Variants in RIMKLB observed in about 807,000 individuals in gnomAD.
RIMKLB encodes ribosomal modification protein rimK like family member B.
A neutral mutation model predicts 32.0 loss-of-function variants in RIMKLB; 7 were observed. The ratio of observed to expected loss-of-function variants is 0.22; its 90% CI spans 0.12 to 0.41. The LOEUF is 0.41. Among genes scored for constraint, RIMKLB ranks in the 10% least tolerant of loss-of-function variants. The probability of loss-of-function intolerance (pLI) is 1.00; values close to 1 mark genes in which losing one functional copy is unlikely to be tolerated. For missense variants in RIMKLB, 289 were observed against 498.7 expected, an observed-to-expected ratio of 0.58 and a Z score of 4.00; for synonymous variants, 172 against 185.1, an observed-to-expected ratio of 0.93 and a Z score of 0.57.
chr12:8,744,176 G>A (rs1460745379), intron 2 of RIMKLB, among the ~76,000 whole-genome samples: 1 of 151,934 alleles, frequency 6.6e-6, no homozygotes, highest in African/African-American at 2.4e-5. Flanking sequence ...AGCTCATAAG[G>A]CAGAGTCCTA....
chr12:8,757,385 A>G (rs1949129690), intron 5 of RIMKLB, among the ~76,000 whole-genome samples: 1 of 151,502 alleles, frequency 6.6e-6, no homozygotes, highest in South Asian at 2.1e-4. Context: ...TTAATTAAAT[A>G]AGCCAGACGT....
intron 2 of RIMKLB, among the ~76,000 whole-genome samples, chr12:8,727,275 C>T (rs1453326807): frequency 6.6e-6 from 1 of 152,140 alleles, no homozygotes; most frequent in Non-Finnish European, 1.5e-5. Flanking sequence ...ATCTCTGTTG[C>T]CCAGGCTGGA....
intron 5 of RIMKLB, among the ~76,000 whole-genome samples, chr12:8,771,046 C>G (rs1278067903): frequency 1.3e-5 from 2 of 152,202 alleles, no homozygotes; most frequent in Non-Finnish European, 2.9e-5. Context: ...TCCATGCCCT[C>G]CCACGGCTTG....
rs540296113 is a variant in RIMKLB, at chr12:8,737,505, T to C, written c.176-12357T>C. On this transcript the variant is annotated intron_variant, in intron 2 of 5. Transcript: ENST00000535829. ...TCCAAGTTTCCTTACTATATAGATA[T>C]AGTGTTTTTCTTTATTAATAATATG... 4.8e-4 allele frequency among the ~76,000 whole-genome samples: 73 copies of C among 152,280 alleles called. No homozygotes were observed. The South Asian group carries it at 0.012, about 25-fold the overall frequency.
At chr12:8,699,714 C>T (rs1388872932) in intron 1 of RIMKLB, 1 of 152,174 alleles carries the variant, frequency 6.6e-6, no homozygotes, top group African/African-American at 2.4e-5. Flanking sequence ...AGTTTGGCAA[C>T]ATGGCTGTTG....
At chr12:8,693,718 C>G (rs1416812733), upstream of RIMKLB, among the ~76,000 whole-genome samples, 1 of 152,048 alleles carries the variant, frequency 6.6e-6, no homozygotes, top group African/African-American at 2.4e-5. Flanking sequence ...ATTTAGTTGT[C>G]ATATTCTAAT....
chr12:8,699,221 C>G (rs370315431), intron 1 of RIMKLB, among the ~76,000 whole-genome samples: 1 of 152,068 alleles, frequency 6.6e-6, no homozygotes, highest in Admixed American at 6.5e-5. Flanking sequence ...AGGTTCAACT[C>G]TAAATAGGTA....
In RIMKLB at chr12:8,777,116, T is replaced by TC; in HGVS notation, c.*3333dup. On this transcript the variant is annotated 3_prime_UTR_variant, in exon 6 of 6. Coordinates refer to ENST00000535829, the MANE Select transcript of RIMKLB (RefSeq NM_001297776.2). ...CTACTGTTTTTATTTGTTTGTTTGT[T>TC]CAATTTTATTTAAGATTTGTTTTTG... 14 of 985,702 alleles carry TC rather than the reference T, an allele frequency of 1.4e-5. No individual in the cohort carries two copies. The highest frequency in any genetic ancestry group is 1.7e-5 in the Non-Finnish European group (14 of 829,906). The allele number at this position is 985,702 out of a possible 1,614,324, so 61.1% of individuals were successfully genotyped here.
chr12:8,748,558 G>GTGTGTGTGTGTGTA (rs61024080), intron 2 of RIMKLB, among the ~76,000 whole-genome samples: 1 of 56,266 alleles, frequency 1.8e-5, no homozygotes, highest in African/African-American at 5.3e-5. Flanking sequence ...GTGTGTGTGT[G>GTGTGTGTGTGTGTA]CATATATATA....
intron 5 of RIMKLB, among the ~76,000 whole-genome samples, chr12:8,754,414 T>C (rs1283525712): frequency 1.3e-5 from 2 of 152,234 alleles, no homozygotes; most frequent in Non-Finnish European, 2.9e-5. Context: ...TTGTATATAA[T>C]TGGAGTTCCT....
chr12:8,671,302 G>A, the RIMKLB span, among the ~76,000 whole-genome samples: 2 of 151,628 alleles, frequency 1.3e-5, no homozygotes, highest in Non-Finnish European at 2.9e-5. Flanking sequence ...CCAGGCTGGA[G>A]TGCAATGACA....
chr12:8,741,847 A>G (rs1947569024), intron 2 of RIMKLB, among the ~76,000 whole-genome samples: 1 of 151,888 alleles, frequency 6.6e-6, no homozygotes, highest in Non-Finnish European at 1.5e-5. Flanking sequence ...AGCATCATGC[A>G]AATATACTCA....
chr12:8,724,401 C>T (rs922896543), intron 2 of RIMKLB, among the ~76,000 whole-genome samples: 2 of 151,992 alleles, frequency 1.3e-5, no homozygotes, highest in African/African-American at 4.8e-5. Flanking sequence ...GGATCATTTA[C>T]TTTTGCAGTA....
intron 2 of RIMKLB, among the ~76,000 whole-genome samples, chr12:8,747,776 GAC>G (rs1370886248): frequency 1.4e-5 from 2 of 143,518 alleles, no homozygotes; most frequent in Non-Finnish European, 3.0e-5. Context: ...TTTTTTTTGA[GAC>G]AGAGTCTCAC....
rs1427088573 is a variant in RIMKLB, at chr12:8,776,620, T to C, written c.*2836T>C. On this transcript the variant is annotated 3_prime_UTR_variant, in exon 6 of 6. Coordinates refer to ENST00000535829, the MANE Select transcript of RIMKLB (RefSeq NM_001297776.2). ...ATGTCACCCATGATGAAAACTGGAC[T>C]TTATATATCTAAACATACAAGTATG... 4.4e-6 allele frequency: 4 copies of C among 899,224 alleles called. No homozygotes were observed. The highest frequency in any genetic ancestry group is 5.3e-6 in the Non-Finnish European group (4 of 751,878). 55.7% of individuals were successfully genotyped at this position (899,224 alleles called of 1,614,324 possible). A position where few individuals can be genotyped will look rare whatever the true frequency, so the allele number is the denominator to read the frequency against.
At chr12:8,672,864 C>T in the RIMKLB span, among the ~76,000 whole-genome samples, 1 of 152,174 alleles carries the variant, frequency 6.6e-6, no homozygotes, top group Non-Finnish European at 1.5e-5. Context: ...TGCCGCTATG[C>T]TTCCTGTATA....
In RIMKLB at chr12:8,713,948, C is replaced by T; in HGVS notation, c.82C>T (p.Arg28Ter). The T allele has an allele frequency of 6.2e-7, 1 of 1,613,974 alleles. No homozygotes were observed. Among genetic ancestry groups the T allele is most frequent in the Non-Finnish European group, 8.5e-7 (1 of 1,179,976 alleles). ...AGACTATCCTCAAAAAGAGATTTTA[C>T]GAGCATTGAAGGCCAAATGTTGTGA... ...REDYPQKEILRALKAKCCEEE... is the reference protein window; with the variant it reads ...REDYPQKEIL Residue 28 changes from arginine to a stop codon, truncating the protein, a stop_gained, in exon 2 of 6, where the codon CGA becomes TGA. Coordinates refer to ENST00000535829, the MANE Select transcript of RIMKLB (RefSeq NM_001297776.2). LOFTEE classifies it high-confidence loss of function.
intron 2 of RIMKLB, among the ~76,000 whole-genome samples, chr12:8,727,018 TTAATC>T (rs1946076619): frequency 6.6e-6 from 1 of 152,230 alleles, no homozygotes; most frequent in South Asian, 2.1e-4. Context: ...ACATTTACAA[TTAATC>T]TAAGTCCACT....
At chr12:8,671,225 TC>T in the RIMKLB span, among the ~76,000 whole-genome samples, 1 of 152,026 alleles carries the variant, frequency 6.6e-6, no homozygotes, top group East Asian at 1.9e-4. Flanking sequence ...CTTGAATTTC[TC>T]CCCAGAAAAC....
Sources: allele counts gnomAD v4.1 joint callset (sites outside exome capture counted in the v4.1 genomes callset), GRCh38; gene constraint gnomAD v4.1.1; transcripts MANE v1.5; gene names NCBI Gene and HGNC (gene_info 2026-07-23, HGNC 2026-07-21).